The following FBXO15 variants were observed in gnomAD, a reference collection of about 807,000 sequenced individuals.
FBXO15 encodes F-box protein 15.
In FBXO15, 30 loss-of-function variants were observed where a neutral mutation model predicts 49.5. The ratio of observed to expected loss-of-function variants is 0.61; its 90% CI spans 0.45 to 0.82. The LOEUF is 0.82. FBXO15 is among the 40% of genes least tolerant of loss of function. FBXO15 has a pLI of 0.00. For synonymous variants in FBXO15, 250 were observed against 232.7 expected, an observed-to-expected ratio of 1.07 and a Z score of -0.68; for missense variants, 591 against 631.5, an observed-to-expected ratio of 0.94 and a Z score of 0.69.
At chr18:74,084,253 T>A (rs888645342) in intron 8 of FBXO15, among the ~76,000 whole-genome samples, 1 of 152,232 alleles carries the variant, frequency 6.6e-6, no homozygotes, top group Non-Finnish European at 1.5e-5. Flanking sequence ...CTTGAAGTAA[T>A]GGCTCAGCCT....
intron 8 of FBXO15, among the ~76,000 whole-genome samples, chr18:74,120,405 T>C (rs1914423417): frequency 6.6e-6 from 1 of 152,186 alleles, no homozygotes; most frequent in Admixed American, 6.5e-5. Flanking sequence ...TATACCAAAA[T>C]AGATCATATT....
At chr18:74,087,345 C>A (rs942618267) in intron 8 of FBXO15, among the ~76,000 whole-genome samples, 11 of 152,164 alleles carry the variant, frequency 7.2e-5, no homozygotes, top group African/African-American at 2.4e-4. Flanking sequence ...AAGTAATAAG[C>A]ATAGTACCCG....
At chr18:74,109,941 C>T (rs1913936259) in intron 8 of FBXO15, among the ~76,000 whole-genome samples, 1 of 151,746 alleles carries the variant, frequency 6.6e-6, no homozygotes, top group Admixed American at 6.6e-5. Context: ...AACAAACCTG[C>T]ATGTTGTGCA....
At chr18:74,125,504 C>T (rs1033438040) in intron 6 of FBXO15, among the ~76,000 whole-genome samples, 1 of 152,190 alleles carries the variant, frequency 6.6e-6, no homozygotes, top group Non-Finnish European at 1.5e-5. Context: ...AGGATAACAT[C>T]GTAGACAGCT....
intron 1 of FBXO15, among the ~76,000 whole-genome samples, chr18:74,141,312 T>C (rs549104580): frequency 6.6e-6 from 1 of 152,298 alleles, no homozygotes; most frequent in East Asian, 1.9e-4. Flanking sequence ...GAGCCATGAA[T>C]GGTTACACTA....
intron 8 of FBXO15, chr18:74,122,442 G>C (rs896091154): frequency 2.0e-5 from 3 of 152,212 alleles, no homozygotes; most frequent in African/African-American, 7.2e-5. Context: ...CAGGTGATAA[G>C]AGAAAGTTCT....
Position 74,129,549 on chromosome 18 carries a change from T to C in FBXO15, c.641A>G (p.His214Arg), listed in dbSNP as rs745952070. Residue 214 changes from histidine (H) to arginine (R), a missense_variant, in exon 5 of 10, where the codon CAT (histidine) becomes CGT (arginine). His to Arg is a conservative substitution (Grantham distance 29). Transcript: ENST00000419743. The part of the protein sequence containing the change: ...EKGGKEYIME[H>R]VDLSINDTSV... ...TGTGTCATTTATGGAAAGATCAACA[T>C]GCTCCATGATATATTCTTTTCCACC... is the stretch of plus-strand genomic sequence containing the variant. 4 of 1,613,376 alleles carry C rather than the reference T, an allele frequency of 2.5e-6. No individual in the cohort carries two copies. The highest frequency in any genetic ancestry group is 2.7e-5 in the African/African-American group (2 of 74,864).
intron 8 of FBXO15, chr18:74,097,245 G>A (rs1192698862): frequency 6.6e-6 from 1 of 152,210 alleles, no homozygotes; most frequent in Non-Finnish European, 1.5e-5. Flanking sequence ...CAGAACTTGG[G>A]GGAGGGTGTG....
At position 74,128,050 on chromosome 18, in the gene FBXO15, C is replaced by T. The variant is rs564665357; in HGVS notation, c.785+1355G>A. Among the ~76,000 whole-genome samples the T allele has an allele frequency of 1.4e-4, 21 of 152,064 alleles. No individual in the cohort carries two copies. The South Asian group carries it at 4.2e-3, about 30-fold the overall frequency. On this transcript the variant is annotated intron_variant, in intron 5 of 9. Transcript: ENST00000419743. ...GAAAAAGCTGGCTTCCTTCATGATC[C>T]CGTATGAAATTTCAAAGATTTATCC... is the stretch of plus-strand genomic sequence containing the variant.
chr18:74,093,270 G>T (rs1228225460), intron 8 of FBXO15, among the ~76,000 whole-genome samples: 2 of 150,424 alleles, frequency 1.3e-5, no homozygotes, highest in Non-Finnish European at 3.0e-5. Context: ...CAATGGGGGG[G>T]GGGTGGCTGC....
Position 74,089,771 on chromosome 18 carries a change from T to C in FBXO15, c.1139-7720A>G, listed in dbSNP as rs148662986. ...CTTGCATCCTGGAGATAAAACCTACTTGATCATGGTGGATTAGCTTTTTGA... is the reference window on the plus strand; with the variant it reads ...CTTGCATCCTGGAGATAAAACCTACCTGATCATGGTGGATTAGCTTTTTGA... On this transcript the variant is annotated intron_variant, in intron 8 of 9. Transcript: ENST00000419743. 6.9e-3 allele frequency among the ~76,000 whole-genome samples: 1,057 copies of C among 152,326 alleles called. 26 individuals carry two copies. The East Asian group carries it at 0.088, about 13-fold the overall frequency.
intron 1 of FBXO15, among the ~76,000 whole-genome samples, chr18:74,142,908 T>A (rs540458931): frequency 6.6e-6 from 1 of 152,358 alleles, no homozygotes; most frequent in South Asian, 2.1e-4. Context: ...ATGGTTATTA[T>A]TGTTGTAAAG....
intron 8 of FBXO15, among the ~76,000 whole-genome samples, chr18:74,094,827 T>C (rs1310423165): frequency 6.6e-6 from 1 of 152,242 alleles, no homozygotes; most frequent in Non-Finnish European, 1.5e-5. Flanking sequence ...TCTCTAGCTA[T>C]GAAAGTCCTC....
intron 8 of FBXO15, among the ~76,000 whole-genome samples, chr18:74,083,148 A>G (rs931301696): frequency 6.6e-5 from 10 of 152,198 alleles, no homozygotes; most frequent in African/African-American, 2.4e-4. Flanking sequence ...CAGATGCCAC[A>G]CTGCTGGTTT....
chr18:74,135,258 C>T (rs977581879), intron 3 of FBXO15, among the ~76,000 whole-genome samples: 7 of 152,230 alleles, frequency 4.6e-5, no homozygotes, highest in Non-Finnish European at 1.0e-4. Context: ...TGGCCTCTCT[C>T]TATCCATTTC....
intron 9 of FBXO15, among the ~76,000 whole-genome samples, chr18:74,077,613 C>T (rs186282284): frequency 5.0e-4 from 76 of 152,206 alleles, no homozygotes; most frequent in African/African-American, 1.6e-3. Flanking sequence ...GCCTGGGCTG[C>T]GAGGAGGACA....
At chr18:74,080,448 T>C (rs1912440795) in intron 9 of FBXO15, among the ~76,000 whole-genome samples, 1 of 152,258 alleles carries the variant, frequency 6.6e-6, no homozygotes. Context: ...TGGGGAAAAC[T>C]GTCCAGGGAC....
chr18:74,123,778 C>G (rs1914575016), intron 7 of FBXO15, among the ~76,000 whole-genome samples: 1 of 152,086 alleles, frequency 6.6e-6, no homozygotes, highest in South Asian at 2.1e-4. Flanking sequence ...TGCAGCTGAT[C>G]CCAGCATGGC....
At chr18:74,086,426 C>T (rs917414007) in intron 8 of FBXO15, among the ~76,000 whole-genome samples, 6 of 152,050 alleles carry the variant, frequency 3.9e-5, no homozygotes, top group African/African-American at 1.2e-4. Context: ...CACTGAATAG[C>T]GTTTTGTTTT....
Sources: gnomAD v4.1 joint callset for allele counts (sites outside exome capture counted in the v4.1 genomes callset) on GRCh38, gnomAD v4.1.1 for gene constraint, MANE v1.5 for transcripts, NCBI Gene and HGNC (gene_info 2026-07-23, HGNC 2026-07-21) for gene names.